Variants in ADAMTSL1 observed in about 807,000 individuals in gnomAD.
ADAMTSL1 encodes ADAMTS-like protein 1.
ADAMTSL1 carries 126 observed loss-of-function variants against 201.8 expected under a neutral mutation model. That is an observed-to-expected ratio of 0.62 (90% CI 0.54 to 0.72). The LOEUF is 0.72. Among genes scored for constraint, ADAMTSL1 ranks in the 30% least tolerant of loss-of-function variants. The probability of loss-of-function intolerance (pLI) is 0.00; values close to 1 mark genes in which losing one functional copy is unlikely to be tolerated. For synonymous variants in ADAMTSL1, 1,121 were observed against 903.4 expected (o/e 1.24, Z -4.32); for missense variants, 2,679 against 2,277.8 (o/e 1.18, Z -3.59).
chr9:18,859,194 G>T (rs1389329133), intron 23 of ADAMTSL1, among the ~76,000 whole-genome samples: 1 of 152,118 alleles, frequency 6.6e-6, no homozygotes, highest in Non-Finnish European at 1.5e-5. Flanking sequence ...ATCTTACTGG[G>T]CTAAAATCAA....
intron 2 of ADAMTSL1, among the ~76,000 whole-genome samples, chr9:18,436,253 GGA>G (rs1336311096): frequency 1.3e-5 from 2 of 152,084 alleles, no homozygotes; most frequent in Admixed American, 1.3e-4. Context: ...GCTTGCTTTA[GGA>G]GGAGGTGTCC....
intron 1 of ADAMTSL1, among the ~76,000 whole-genome samples, chr9:18,151,198 T>C (rs1826894225): frequency 6.6e-6 from 1 of 152,068 alleles, no homozygotes; most frequent in Non-Finnish European, 1.5e-5. Context: ...TTTAGATGCC[T>C]AAAAACTAGA....
chr9:18,159,621 T>C (rs1827301733), intron 1 of ADAMTSL1, among the ~76,000 whole-genome samples: 1 of 152,044 alleles, frequency 6.6e-6, no homozygotes, highest in Non-Finnish European at 1.5e-5. Context: ...ATTTTAACTT[T>C]CCAAATTTCA....
At chr9:18,068,683 T>C (rs909259578) in intron 1 of ADAMTSL1, among the ~76,000 whole-genome samples, 4 of 152,242 alleles carry the variant, frequency 2.6e-5, no homozygotes, top group Admixed American at 2.0e-4. Context: ...CTGGAAGTTT[T>C]TAATGTTGTG....
In ADAMTSL1 at chr9:18,128,649, G is replaced by A. The variant is rs114216844; in HGVS notation, c.88-35213G>A. ...TATTGAGTATGGTACATGAATCCCCGTCTCTAATGAAATAGAGAATCACTA... is the reference window on the plus strand; with the variant it reads ...TATTGAGTATGGTACATGAATCCCCATCTCTAATGAAATAGAGAATCACTA... On this transcript the variant is annotated intron_variant, in intron 1 of 29. Coordinates refer to the ADAMTSL1 transcript ENST00000680146. Among the ~76,000 whole-genome samples, 790 of 152,184 alleles carry A rather than the reference G, an allele frequency of 5.2e-3. 9 individuals are homozygous for A. Among genetic ancestry groups the A allele is most frequent in the Middle Eastern group, 0.031 (9 of 294 alleles).
chr9:18,706,768 G>A lies in ADAMTSL1; in HGVS notation c.1596G>A (p.Ser532=), dbSNP rs138516887. Residue 532 remains serine (S), a synonymous_variant, in exon 14 of 29, where the codon TCG becomes TCA. Transcript: ENST00000380548. The stretch of plus-strand genomic sequence containing the variant: ...GCAGGTTCATCCCAGAGGCCTGGTC[G>A]GCCTGCACAGTCACCTGTGGTGTGG... The part of the protein sequence containing the change: ...EEPSFIPEAW[S]ACTVTCGVGT... The A allele has an allele frequency of 8.5e-5, 136 of 1,605,374 alleles. No homozygotes were observed. In the Admixed American group the frequency reaches 1.4e-3, roughly 16 times the overall value.
At chr9:18,413,711 A>C (rs1313445715) in intron 2 of ADAMTSL1, among the ~76,000 whole-genome samples, 1 of 152,182 alleles carries the variant, frequency 6.6e-6, no homozygotes, top group Non-Finnish European at 1.5e-5. Flanking sequence ...CCAACTCTTC[A>C]TTCTCTTTTA....
chr9:18,837,778 T>C (rs1315154862), intron 23 of ADAMTSL1, among the ~76,000 whole-genome samples: 1 of 152,220 alleles, frequency 6.6e-6, no homozygotes, highest in Non-Finnish European at 1.5e-5. Flanking sequence ...ACAGGCACCA[T>C]GTGGCCCAAA....
intron 7 of ADAMTSL1, among the ~76,000 whole-genome samples, chr9:18,655,683 T>C (rs762247471): frequency 6.6e-6 from 1 of 151,784 alleles, no homozygotes; most frequent in Non-Finnish European, 1.5e-5. Flanking sequence ...TCTCTTTGAA[T>C]CTAAACAAAT....
intron 2 of ADAMTSL1, among the ~76,000 whole-genome samples, chr9:18,185,704 A>G (rs1219259783): frequency 2.0e-5 from 3 of 152,190 alleles, no homozygotes; most frequent in African/African-American, 4.8e-5. Context: ...TCAATTTGGT[A>G]TAGAAATGAA....
chr9:18,714,078 T>G (rs1832768864), intron 14 of ADAMTSL1, among the ~76,000 whole-genome samples: 1 of 152,038 alleles, frequency 6.6e-6, no homozygotes, highest in Admixed American at 6.6e-5. Flanking sequence ...CATACCAGAA[T>G]CTCTGGGACA....
At chr9:18,281,285 A>G (rs1832777255) in intron 2 of ADAMTSL1, among the ~76,000 whole-genome samples, 1 of 152,158 alleles carries the variant, frequency 6.6e-6, no homozygotes, top group Non-Finnish European at 1.5e-5. Context: ...AGATATATAT[A>G]TATATTTACA....
Position 18,803,122 on chromosome 9 carries a change from T to G in ADAMTSL1, c.3805+7598T>G, listed in dbSNP as rs559375548. Among the ~76,000 whole-genome samples the G allele has an allele frequency of 2.0e-5, 3 of 152,316 alleles. No individual in the cohort carries two copies. The East Asian group carries it at 5.8e-4, about 29-fold the overall frequency. Reference sequence around the variant, plus strand: ...TAAAGCAATACAAATACCTTACAGTTCTGTAGGTCAGAAGTCTAATACAGT... The same window carrying G: ...TAAAGCAATACAAATACCTTACAGTGCTGTAGGTCAGAAGTCTAATACAGT... On this transcript the variant is annotated intron_variant, in intron 20 of 28. Transcript: ENST00000380548.
In ADAMTSL1 at chr9:18,425,620, TGAG is replaced by T. The variant is rs541578875; in HGVS notation, c.208-79204_208-79202del. 1.1e-4 allele frequency among the ~76,000 whole-genome samples: 16 copies of T among 152,132 alleles called. 1 individual carries two copies. In the East Asian group the frequency reaches 3.1e-3, roughly 29 times the overall value. ...ATCCCAGCTACTCTGCTCAGGAGGC[TGAG>T]GAGGGAAGATGGCTTGAGGCCAGGA... On this transcript the variant is annotated intron_variant, in intron 2 of 29. Coordinates refer to the ADAMTSL1 transcript ENST00000680146.
chr9:18,439,085 T>C (rs1819882003), intron 2 of ADAMTSL1, among the ~76,000 whole-genome samples: 1 of 152,118 alleles, frequency 6.6e-6, no homozygotes, highest in Non-Finnish European at 1.5e-5. Context: ...GGACGTTGCA[T>C]TCCGAAAGCA....
At chr9:18,023,154 A>ATG (rs1387966339) in intron 1 of ADAMTSL1, among the ~76,000 whole-genome samples, 3 of 145,766 alleles carry the variant, frequency 2.1e-5, no homozygotes, top group Non-Finnish European at 4.7e-5. Context: ...ATATATGTAT[A>ATG]TGTATGTCTG....
chr9:18,216,541 C>G (rs530437799), intron 2 of ADAMTSL1, among the ~76,000 whole-genome samples: 1 of 152,238 alleles, frequency 6.6e-6, no homozygotes, highest in Non-Finnish European at 1.5e-5. Context: ...CAGCATCAAG[C>G]TCCCTCTGAC....
At chr9:18,298,117 C>T (rs965846181) in intron 2 of ADAMTSL1, among the ~76,000 whole-genome samples, 5 of 152,172 alleles carry the variant, frequency 3.3e-5, no homozygotes, top group East Asian at 1.9e-4. Flanking sequence ...GACGTATTCC[C>T]GGAAAAGTAA....
At chr9:18,324,964 A>T (rs1044548851) in intron 2 of ADAMTSL1, among the ~76,000 whole-genome samples, 8 of 152,192 alleles carry the variant, frequency 5.3e-5, no homozygotes, top group African/African-American at 1.9e-4. Flanking sequence ...ACAGCGAAAG[A>T]TATATGGACA....
Sources: gnomAD v4.1 joint callset for allele counts (sites outside exome capture counted in the v4.1 genomes callset) on GRCh38, gnomAD v4.1.1 for gene constraint, MANE v1.5 for transcripts, NCBI Gene and HGNC (gene_info 2026-07-23, HGNC 2026-07-21) for gene names.